KAT6A: variants seen among roughly 807,000 people sequenced by gnomAD.
KAT6A encodes histone acetyltransferase KAT6A.
KAT6A carries 9 observed loss-of-function variants against 198.4 expected under a neutral mutation model. The observed-to-expected ratio is 0.05, with a 90% CI of 0.03 to 0.08. The LOEUF is 0.08. Among genes scored for constraint, KAT6A ranks in the 10% least tolerant of loss-of-function variants. The pLI is 1.00. For synonymous variants in KAT6A, 890 were observed against 883.0 expected (o/e 1.01, Z -0.14); for missense variants, 2,077 against 2,509.9 (o/e 0.83, Z 3.69).
intron 4 of KAT6A, among the ~76,000 whole-genome samples, 200 bp downstream of exon 4, chr8:41,981,639 T>C (rs1029847776): frequency 2.0e-5 from 3 of 152,206 alleles, no homozygotes; most frequent in Admixed American, 2.0e-4. Flanking sequence ...TTAAGTGCTT[T>C]ACAAATTACC....
At chr8:41,969,521 TACC>T (rs1346960285) in intron 8 of KAT6A, among the ~76,000 whole-genome samples, 1 of 152,174 alleles carries the variant, frequency 6.6e-6, no homozygotes, top group East Asian at 1.9e-4. Flanking sequence ...CTCCCATTTC[TACC>T]ACCACCCCTC....
At chr8:42,029,532 C>T (rs1053777115) in intron 2 of KAT6A, among the ~76,000 whole-genome samples, 3 of 149,146 alleles carry the variant, frequency 2.0e-5, no homozygotes, top group African/African-American at 7.4e-5. Flanking sequence ...TTGATCTAGT[C>T]TATAGTTAAA....
intron 2 of KAT6A, among the ~76,000 whole-genome samples, chr8:42,018,548 C>G (rs914535354): frequency 6.6e-6 from 1 of 152,130 alleles, no homozygotes; most frequent in Non-Finnish European, 1.5e-5. Context: ...ATTTAATTTA[C>G]AGTCAGACCT....
chr8:41,990,108 A>G (rs1824856237), intron 2 of KAT6A, among the ~76,000 whole-genome samples: 1 of 152,136 alleles, frequency 6.6e-6, no homozygotes, highest in African/African-American at 2.4e-5. Context: ...GAAGCCAGTC[A>G]TGAGATTTGA....
chr8:42,042,312 C>T (rs182450261), intron 2 of KAT6A, among the ~76,000 whole-genome samples: 47 of 152,208 alleles, frequency 3.1e-4, no homozygotes, highest in African/African-American at 1.1e-3. Flanking sequence ...TAAAAATTAG[C>T]CGGGCATGGT....
At chr8:41,953,779 T>C (rs1822785106) in intron 9 of KAT6A, among the ~76,000 whole-genome samples, 1 of 152,186 alleles carries the variant, frequency 6.6e-6, no homozygotes, top group African/African-American at 2.4e-5. Flanking sequence ...TTCTTCTCGG[T>C]CATAAAAGAT....
intron 8 of KAT6A, among the ~76,000 whole-genome samples, chr8:41,960,186 G>C (rs141641517): frequency 0.022 from 3,299 of 152,164 alleles, 56 homozygotes; most frequent in Non-Finnish European, 0.031. Flanking sequence ...TGGGTACAGA[G>C]TTCCAGTTTT....
intron 2 of KAT6A, among the ~76,000 whole-genome samples, chr8:42,029,841 C>A (rs549664351): frequency 2.6e-4 from 40 of 152,228 alleles, no homozygotes; most frequent in African/African-American, 9.6e-4. Context: ...TGTTAAATTT[C>A]TCATTCAGAT....
intron 2 of KAT6A, among the ~76,000 whole-genome samples, chr8:42,034,278 A>T (rs1827267558): frequency 6.6e-6 from 1 of 152,204 alleles, no homozygotes; most frequent in Non-Finnish European, 1.5e-5. Context: ...AAAGCCCCAA[A>T]TTCAGTTTCT....
intron 2 of KAT6A, among the ~76,000 whole-genome samples, chr8:41,999,424 CCT>C (rs1156422758): frequency 6.6e-6 from 1 of 151,992 alleles, no homozygotes; most frequent in Non-Finnish European, 1.5e-5. Context: ...CATGTTTGTA[CCT>C]CTCTCCTGAC....
At chr8:42,030,610 G>A (rs949001294) in intron 2 of KAT6A, among the ~76,000 whole-genome samples, 1 of 151,672 alleles carries the variant, frequency 6.6e-6, no homozygotes, top group Non-Finnish European at 1.5e-5. Flanking sequence ...TGTCACCCAG[G>A]CTGGAGTGCA....
intron 8 of KAT6A, among the ~76,000 whole-genome samples, chr8:41,960,919 C>A (rs751986425): frequency 2.0e-5 from 3 of 152,108 alleles, no homozygotes; most frequent in Admixed American, 2.0e-4. Flanking sequence ...ACAACAAAAT[C>A]CTAACCCCTG....
intron 9 of KAT6A, among the ~76,000 whole-genome samples, chr8:41,950,127 A>G (rs1275546498): frequency 6.6e-6 from 1 of 152,202 alleles, no homozygotes; most frequent in African/African-American, 2.4e-5. Flanking sequence ...CTGGCACTAT[A>G]AATTAGAGTC....
At chr8:41,986,630 A>G (rs1353818871) in intron 3 of KAT6A, among the ~76,000 whole-genome samples, 1 of 152,192 alleles carries the variant, frequency 6.6e-6, no homozygotes, top group Non-Finnish European at 1.5e-5. Context: ...TGAATTACAC[A>G]TTTCAGCTAT....
chr8:41,960,466 C>T (rs1471723356), intron 8 of KAT6A, among the ~76,000 whole-genome samples: 1 of 142,258 alleles, frequency 7.0e-6, no homozygotes, highest in Non-Finnish European at 1.5e-5. Context: ...AAGATGACGC[C>T]GCTGTACTCC....
intron 2 of KAT6A, among the ~76,000 whole-genome samples, chr8:42,042,187 G>A (rs1462614797): frequency 1.3e-5 from 2 of 152,136 alleles, no homozygotes; most frequent in African/African-American, 2.4e-5. Flanking sequence ...GGCCGGGCAC[G>A]GTGGCTCACG....
At position 41,931,884 on chromosome 8, in the gene KAT6A, G is replaced by A. The variant is rs940039382; in HGVS notation, c.*321C>T. On this transcript the variant is annotated 3_prime_UTR_variant, in exon 17 of 17. Transcript: ENST00000265713. ...GATAATTCACTTTTACACAAATTCTGTCCATGTGGTATGTAAAGAAAGTAA... is the reference window on the plus strand; with the variant it reads ...GATAATTCACTTTTACACAAATTCTATCCATGTGGTATGTAAAGAAAGTAA... 4.0e-6 allele frequency: 1 copy of A among 250,780 alleles called. No individual in the cohort carries two copies. The highest frequency in any genetic ancestry group is 7.6e-6 in the Non-Finnish European group (1 of 131,518). The allele number at this position is 250,780 out of a possible 1,614,324, so 15.5% of individuals were successfully genotyped here. A position where few individuals can be genotyped will look rare whatever the true frequency, so the allele number is the denominator to read the frequency against.
intron 8 of KAT6A, among the ~76,000 whole-genome samples, chr8:41,969,043 C>T (rs987300951): frequency 3.3e-5 from 5 of 152,282 alleles, no homozygotes; most frequent in African/African-American, 1.2e-4. Context: ...AGACTATAAG[C>T]TCTAAGAGAA....
intron 2 of KAT6A, among the ~76,000 whole-genome samples, chr8:42,042,860 A>T (rs1224765657): frequency 6.6e-6 from 1 of 152,194 alleles, no homozygotes; most frequent in African/African-American, 2.4e-5. Flanking sequence ...TATTCAAGTA[A>T]ATTATGTCAG....
Sources: gnomAD v4.1 joint callset for allele counts (sites outside exome capture counted in the v4.1 genomes callset) on GRCh38, gnomAD v4.1.1 for gene constraint, MANE v1.5 for transcripts, NCBI Gene and HGNC (gene_info 2026-07-23, HGNC 2026-07-21) for gene names.